KLHL14: variants seen among roughly 807,000 people sequenced by gnomAD.
KLHL14 encodes the protein kelch like family member 14, also known as kelch-like protein 14.
KLHL14 carries 22 observed loss-of-function variants against 64.3 expected under a neutral mutation model. That is an observed-to-expected ratio of 0.34 (90% CI 0.24 to 0.49). KLHL14 has a LOEUF of 0.49. Among genes scored for constraint, KLHL14 ranks in the 20% least tolerant of loss-of-function variants. KLHL14 has a pLI of 0.99. For synonymous variants in KLHL14, 322 were observed against 333.4 expected (o/e 0.97, Z 0.37); for missense variants, 661 against 789.0 (o/e 0.84, Z 1.94).
At chr18:32,731,837 A>G (rs998865871) in intron 3 of KLHL14, among the ~76,000 whole-genome samples, 3 of 152,170 alleles carry the variant, frequency 2.0e-5, no homozygotes, top group Non-Finnish European at 2.9e-5. Flanking sequence ...CAGACATATT[A>G]AAAATATCTG....
At chr18:32,676,309 T>G (rs1192488633) in intron 8 of KLHL14, among the ~76,000 whole-genome samples, 1 of 152,138 alleles carries the variant, frequency 6.6e-6, no homozygotes, top group East Asian at 1.9e-4. Flanking sequence ...ACCTCTTTTG[T>G]CAAGGAGTCA....
chr18:32,733,638 A>T (rs2144522418), intron 3 of KLHL14: 1 of 153,420 alleles, frequency 6.5e-6, no homozygotes, highest in Admixed American at 6.4e-5. Flanking sequence ...GAATGTACTT[A>T]GAAAACTCTT....
At chr18:32,704,599 C>T (rs1004764061) in intron 3 of KLHL14, among the ~76,000 whole-genome samples, 1 of 151,982 alleles carries the variant, frequency 6.6e-6, no homozygotes, top group African/African-American at 2.4e-5. Flanking sequence ...GTGTGCACCT[C>T]TAATCCCAGC....
intron 5 of KLHL14, among the ~76,000 whole-genome samples, chr18:32,681,554 CTT>C (rs113795735): frequency 6.6e-6 from 1 of 152,054 alleles, no homozygotes; most frequent in African/African-American, 2.4e-5. Context: ...GCCTTTGACT[CTT>C]TGCTTCTTTT....
chr18:32,733,628 G>T (rs1030652328), intron 3 of KLHL14: 1 of 153,020 alleles, frequency 6.5e-6, no homozygotes, highest in African/African-American at 2.4e-5. Context: ...TATAGACATG[G>T]AATGTACTTA....
chr18:32,682,489 A>C (rs1456915774), intron 5 of KLHL14, among the ~76,000 whole-genome samples: 3 of 152,174 alleles, frequency 2.0e-5, no homozygotes, highest in Admixed American at 2.0e-4. Flanking sequence ...AATTATAATA[A>C]AATGCTGTAG....
intron 4 of KLHL14, 23 bp from the exon 5 acceptor site, chr18:32,687,256 T>A: frequency 6.3e-7 from 1 of 1,579,034 alleles, no homozygotes; most frequent in Non-Finnish European, 8.7e-7. Flanking sequence ...ATTCGAGACA[T>A]TTAAAACTTA....
At chr18:32,750,036 TGAGA>T (rs142998098) in intron 2 of KLHL14, among the ~76,000 whole-genome samples, 3 of 149,028 alleles carry the variant, frequency 2.0e-5, no homozygotes, top group Non-Finnish European at 3.0e-5. Flanking sequence ...AGGGGGGCAA[TGAGA>T]GAGAGAGAGA....
At chr18:32,676,607 T>C (rs1260923156) in intron 8 of KLHL14, among the ~76,000 whole-genome samples, 1 of 152,134 alleles carries the variant, frequency 6.6e-6, no homozygotes, top group Non-Finnish European at 1.5e-5. Flanking sequence ...ATCTACTTCA[T>C]ATTGCCTGAG....
At chr18:32,730,476 T>C (rs2050131947) in intron 3 of KLHL14, among the ~76,000 whole-genome samples, 1 of 152,230 alleles carries the variant, frequency 6.6e-6, no homozygotes, top group African/African-American at 2.4e-5. Context: ...TTTTTTCCCC[T>C]TTCATCTAAG....
chr18:32,739,794 T>G (rs545242820), intron 3 of KLHL14, among the ~76,000 whole-genome samples: 1 of 152,262 alleles, frequency 6.6e-6, no homozygotes, highest in South Asian at 2.1e-4. Flanking sequence ...ATATGCTCCC[T>G]ACTCTCGGGC....
At chr18:32,722,339 C>T (rs1360927681) in intron 3 of KLHL14, among the ~76,000 whole-genome samples, 1 of 152,186 alleles carries the variant, frequency 6.6e-6, no homozygotes, top group Non-Finnish European at 1.5e-5. Flanking sequence ...CCAGAAACAG[C>T]CTCAAGCCCA....
At chr18:32,726,007 A>G (rs1455359237) in intron 3 of KLHL14, among the ~76,000 whole-genome samples, 2 of 152,310 alleles carry the variant, frequency 1.3e-5, no homozygotes, top group African/African-American at 4.8e-5. Flanking sequence ...AATAAATAAG[A>G]GTTACTACTA....
chr18:32,752,955 TTG>T (rs71177874), intron 2 of KLHL14, among the ~76,000 whole-genome samples: 5,582 of 142,302 alleles, frequency 0.039, 279 homozygotes, highest in African/African-American at 0.12. Flanking sequence ...AGCATCATAT[TTG>T]TGTGTGTGTG....
chr18:32,695,552 A>G lies in KLHL14; in HGVS notation c.1070T>C (p.Ile357Thr), dbSNP rs753788704. ...GTGGTGGGCACTGTTGTATGGCATA[A>G]CTGAAATTAAGAAAAAAAAAAAAGA... ...DEKKTWKILT[I>T]MPYNSAHHCV... The change falls in exon 4 of 9, where the codon ATT (isoleucine) becomes ACT (threonine). Residue 357 changes from isoleucine (I) to threonine (T), a missense_variant and splice_region_variant. Physicochemically the swap from Ile to Thr is moderately conservative, Grantham distance 89 (BLOSUM62 -1). Coordinates refer to ENST00000359358, the MANE Select transcript of KLHL14 (RefSeq NM_020805.3). 6.3e-7 allele frequency: 1 copy of G among 1,581,296 alleles called. No homozygotes were observed. Among genetic ancestry groups the G allele is most frequent in the South Asian group, 1.2e-5 (1 of 86,360 alleles).
intron 2 of KLHL14, among the ~76,000 whole-genome samples, chr18:32,751,847 T>A (rs924224677): frequency 3.3e-5 from 5 of 151,942 alleles, no homozygotes; most frequent in Non-Finnish European, 2.9e-5. Flanking sequence ...AGGAATAGAG[T>A]CCAACGTAGT....
chr18:32,746,218 AG>A (rs746106289), intron 2 of KLHL14, among the ~76,000 whole-genome samples: 1 of 152,234 alleles, frequency 6.6e-6, no homozygotes, highest in African/African-American at 2.4e-5. Flanking sequence ...GTAAACAAAA[AG>A]CTGAGTATAT....
chr18:32,766,267 T>C (rs2144194273), intron 2 of KLHL14, among the ~76,000 whole-genome samples: 1 of 152,240 alleles, frequency 6.6e-6, no homozygotes, highest in Middle Eastern at 3.4e-3. Flanking sequence ...AAATTATACA[T>C]TAAAATTTCA....
chr18:32,695,573 A>G (rs758185515), intron 3 of KLHL14, 21 bp from the exon 4 acceptor site: 1 of 1,503,954 alleles, frequency 6.6e-7, no homozygotes, highest in East Asian at 2.3e-5. Context: ...GAAAAAAAAA[A>G]AAGACATATG....
Sources: allele counts gnomAD v4.1 joint callset (sites outside exome capture counted in the v4.1 genomes callset), GRCh38; gene constraint gnomAD v4.1.1; transcripts MANE v1.5; gene names NCBI Gene and HGNC (gene_info 2026-07-23, HGNC 2026-07-21).